LTBP2: variants seen among roughly 807,000 people sequenced by gnomAD.
LTBP2 encodes latent-transforming growth factor beta-binding protein 2.
In LTBP2, 103 loss-of-function variants were observed where a neutral mutation model predicts 210.6. The observed-to-expected ratio is 0.49, with a 90% CI of 0.42 to 0.58. The LOEUF (loss-of-function observed/expected upper bound fraction) is 0.58. Ranked by LOEUF, LTBP2 falls within the 20% of genes least tolerant of loss-of-function variation. The probability of loss-of-function intolerance (pLI) is 0.00; values close to 1 mark genes in which losing one functional copy is unlikely to be tolerated. For missense variants in LTBP2, 2,313 were observed against 2,494.5 expected, an observed-to-expected ratio of 0.93 and a Z score of 1.55; for synonymous variants, 1,007 against 1,015.0, an observed-to-expected ratio of 0.99 and a Z score of 0.15.
chr14:74,582,722 A>G (rs541938397), intron 3 of LTBP2, among the ~76,000 whole-genome samples: 21 of 152,240 alleles, frequency 1.4e-4, no homozygotes, highest in African/African-American at 5.1e-4. Context: ...ACTACTCAAA[A>G]TATGGTCCGT....
intron 22 of LTBP2, 139 bp downstream of exon 22, chr14:74,509,099 A>G (rs1595242552): frequency 6.4e-7 from 1 of 1,563,986 alleles, no homozygotes; most frequent in Non-Finnish European, 8.8e-7. Context: ...CACAGCTGGG[A>G]CAAGCTTGTG....
chr14:74,537,661 C>A (rs760212005), intron 8 of LTBP2, among the ~76,000 whole-genome samples: 10 of 152,230 alleles, frequency 6.6e-5, no homozygotes, highest in Non-Finnish European at 1.2e-4. Flanking sequence ...AGCTTATTGT[C>A]ATCCAGGAAG....
Position 74,509,328 on chromosome 14 carries a change from A to G in LTBP2, c.3313T>C (p.Ser1105Pro). Reference protein sequence around the residue: ...DECAFPGVCPSGVCTNTAGSF... With the variant: ...DECAFPGVCPPGVCTNTAGSF... Reference sequence around the variant, plus strand: ...CCAGCCGTGTTGGTGCAGACTCCGGAGGGGCAGACTCCCGGGAAGGCACAC... The same window carrying G: ...CCAGCCGTGTTGGTGCAGACTCCGGGGGGGCAGACTCCCGGGAAGGCACAC... Residue 1105 changes from serine (S) to proline (P), a missense_variant, in exon 22 of 36, where the codon TCC becomes CCC. Around this residue, in one of 3 missense-constraint regions of LTBP2, gnomAD observed 1,867 missense variants for 1,976.9 expected, o/e 0.94. Coordinates refer to ENST00000261978, the MANE Select transcript of LTBP2 (RefSeq NM_000428.3). 6.2e-7 allele frequency: 1 copy of G among 1,613,186 alleles called. No individual in the cohort carries two copies. The highest frequency in any genetic ancestry group is 1.3e-5 in the African/African-American group (1 of 74,956).
intron 3 of LTBP2, among the ~76,000 whole-genome samples, chr14:74,567,371 T>C (rs760029830): frequency 6.6e-5 from 10 of 152,110 alleles, no homozygotes; most frequent in Non-Finnish European, 1.3e-4. Context: ...GCGCGGCCTT[T>C]GTTCCCTCCT....
chr14:74,608,699 T>A (rs2088561941), intron 1 of LTBP2, among the ~76,000 whole-genome samples: 1 of 127,136 alleles, frequency 7.9e-6, no homozygotes. Context: ...GGCAAGAGAC[T>A]CTATCTCAAA....
rs759902076 is a variant in LTBP2, at chr14:74,598,898, A to T, written c.565+4737T>A. Among the ~76,000 whole-genome samples the T allele has an allele frequency of 1.4e-3, 212 of 152,196 alleles. 10 individuals carry two copies. Among genetic ancestry groups the T allele is most frequent in the Non-Finnish European group, 4.1e-4 (28 of 68,040 alleles). On this transcript the variant is annotated intron_variant, in intron 2 of 35. Transcript: ENST00000261978. ...AGCTAAGCCCTCGCACTCTGGAACC[A>T]GGCTACCTGGATTCATGTCTGGGCT...
At chr14:74,519,700 T>C (rs862041) in intron 17 of LTBP2, among the ~76,000 whole-genome samples, 100,803 of 151,870 alleles carry the variant, frequency 0.66, 33,686 homozygotes, top group East Asian at 0.77. Context: ...TTGAACCCCA[T>C]CCCCGTTCCC....
At chr14:74,564,389 TA>T in intron 3 of LTBP2, among the ~76,000 whole-genome samples, 1 of 80,080 alleles carries the variant, frequency 1.2e-5, no homozygotes, top group Non-Finnish European at 2.3e-5. Flanking sequence ...ATTTATATTT[TA>T]TATATTTTTA....
chr14:74,520,861 G>A (rs1042858142), intron 17 of LTBP2, among the ~76,000 whole-genome samples: 2 of 152,106 alleles, frequency 1.3e-5, no homozygotes, highest in Non-Finnish European at 2.9e-5. Flanking sequence ...GCTCCATCTC[G>A]AGTACCCGAA....
intron 3 of LTBP2, among the ~76,000 whole-genome samples, chr14:74,584,956 A>G (rs1202934032): frequency 1.3e-5 from 2 of 152,116 alleles, no homozygotes; most frequent in Non-Finnish European, 2.9e-5. Context: ...TGAAAGAGCA[A>G]ATCCTCTTTC....
chr14:74,501,388 GTC>G, intron 35 of LTBP2, 51 bp downstream of exon 35: 1 of 1,613,074 alleles, frequency 6.2e-7, no homozygotes, highest in Admixed American at 1.7e-5. Flanking sequence ...GAGTTCAGGC[GTC>G]TCTGTGGGCA....
intron 6 of LTBP2, 132 bp downstream of exon 6, chr14:74,552,055 G>A: frequency 2.4e-6 from 2 of 838,248 alleles, no homozygotes; most frequent in South Asian, 1.5e-5. Context: ...AGGGCCAGGA[G>A]AAAGAGGGAG....
At chr14:74,542,729 C>T (rs2087524387) in intron 8 of LTBP2, among the ~76,000 whole-genome samples, 1 of 151,420 alleles carries the variant, frequency 6.6e-6, no homozygotes, top group African/African-American at 2.4e-5. Flanking sequence ...CTCTGACTAC[C>T]TGTGTGACCT....
At chr14:74,596,336 C>T (rs527840563) in intron 2 of LTBP2, among the ~76,000 whole-genome samples, 94 of 152,230 alleles carry the variant, frequency 6.2e-4, no homozygotes, top group African/African-American at 2.2e-3. Context: ...GGCCCAAGAT[C>T]CAGAAGAACA....
chr14:74,586,853 A>G lies in LTBP2; in HGVS notation c.566-735T>C, dbSNP rs1417729990. Among the ~76,000 whole-genome samples, 2 of 152,186 alleles carry G rather than the reference A, an allele frequency of 1.3e-5. No individual in the cohort carries two copies. Among genetic ancestry groups the G allele is most frequent in the East Asian group, 3.9e-4 (2 of 5,184 alleles). On this transcript the variant is annotated intron_variant, in intron 2 of 35. Coordinates refer to ENST00000261978, the MANE Select transcript of LTBP2 (RefSeq NM_000428.3). This position sits in a 1 kb window ranked among gnomAD's most constrained non-coding sequence, Gnocchi z 4.6. ...TGGCCAGAATATAGCTGCCGGCACC[A>G]CAGCCGCTGCCGGCCAGGTAAGTGC...
chr14:74,605,891 G>A lies in LTBP2; in HGVS notation c.495-2186C>T, dbSNP rs573709973. 1.2e-4 allele frequency among the ~76,000 whole-genome samples: 18 copies of A among 152,280 alleles called. No individual in the cohort carries two copies. The South Asian group carries it at 3.7e-3, about 32-fold the overall frequency. ...AGGCAGAGAGGCCAGGCTGGGGCTG[G>A]TAGGGCACTCAAGAGAGATTCAGGT... On this transcript the variant is annotated intron_variant, in intron 1 of 35. Coordinates refer to ENST00000261978, the MANE Select transcript of LTBP2 (RefSeq NM_000428.3).
intron 19 of LTBP2, among the ~76,000 whole-genome samples, chr14:74,510,695 C>G (rs892121061): frequency 6.6e-6 from 1 of 152,212 alleles, no homozygotes; most frequent in East Asian, 1.9e-4. Context: ...GCCTGGGAAA[C>G]GTCTGCCCTC....
intron 1 of LTBP2, among the ~76,000 whole-genome samples, chr14:74,611,135 G>C (rs1007267780): frequency 6.6e-6 from 1 of 152,236 alleles, no homozygotes; most frequent in Non-Finnish European, 1.5e-5. Flanking sequence ...CGCTGCAAGA[G>C]TCTACAAGAG....
In LTBP2 at chr14:74,509,289, T is replaced by C. The variant is rs1043984998; in HGVS notation, c.3352A>G (p.Lys1118Glu). Residue 1118 changes from lysine (K) to glutamate (E), a missense_variant, in exon 22 of 36, where the codon AAG (lysine) becomes GAG (glutamate). Lys to Glu is a moderately conservative substitution (Grantham distance 56). Coordinates refer to ENST00000261978, the MANE Select transcript of LTBP2 (RefSeq NM_000428.3). The stretch of plus-strand genomic sequence containing the variant: ...GGCCGGTAGCCCCCATCGCAGTCCT[T>C]GCAGGAGAAGGAGCCAGCCGTGTTG... Reference protein sequence around the residue: ...CTNTAGSFSCKDCDGGYRPSP... With the variant: ...CTNTAGSFSCEDCDGGYRPSP... 2 of 1,613,514 alleles carry C rather than the reference T, an allele frequency of 1.2e-6. No homozygotes were observed. Among genetic ancestry groups the C allele is most frequent in the African/African-American group, 2.7e-5 (2 of 74,912 alleles).
Sources: allele counts gnomAD v4.1 joint callset (sites outside exome capture counted in the v4.1 genomes callset), GRCh38; gene constraint gnomAD v4.1.1; regional missense constraint gnomAD v4.1.1; non-coding constraint Gnocchi (gnomAD v3.1); transcripts MANE v1.5; gene names NCBI Gene and HGNC (gene_info 2026-07-23, HGNC 2026-07-21).